Variants in HCN1 observed in about 807,000 individuals in gnomAD.
HCN1 encodes the protein hyperpolarization activated cyclic nucleotide gated potassium channel 1, also known as potassium/sodium hyperpolarization-activated cyclic nucleotide-gated channel 1.
In HCN1, 13 loss-of-function variants were observed where a neutral mutation model predicts 78.9. The ratio of observed to expected loss-of-function variants is 0.16; its 90% CI spans 0.11 to 0.26. HCN1 has a LOEUF of 0.26. Among genes scored for constraint, HCN1 ranks in the 10% least tolerant of loss-of-function variants. The pLI is 1.00. For missense variants in HCN1, 810 were observed against 1,154.3 expected, an observed-to-expected ratio of 0.70 and a Z score of 4.32; for synonymous variants, 552 against 455.5, an observed-to-expected ratio of 1.21 and a Z score of -2.70.
At chr5:45,591,628 A>G (rs1744367157) in intron 2 of HCN1, among the ~76,000 whole-genome samples, 1 of 152,174 alleles carries the variant, frequency 6.6e-6, no homozygotes, top group South Asian at 2.1e-4. Flanking sequence ...TAAAGCAAAG[A>G]CATTCTTATT....
chr5:45,639,873 A>G (rs908109023), intron 2 of HCN1, among the ~76,000 whole-genome samples: 1 of 152,112 alleles, frequency 6.6e-6, no homozygotes, highest in African/African-American at 2.4e-5. Context: ...CCTAAAATGT[A>G]TCAATGGCAC....
At chr5:45,401,019 T>C (rs1739788998) in intron 3 of HCN1, among the ~76,000 whole-genome samples, 1 of 152,224 alleles carries the variant, frequency 6.6e-6, no homozygotes, top group Non-Finnish European at 1.5e-5. Flanking sequence ...AATTCAGTCA[T>C]TTTTTCCATT....
intron 2 of HCN1, among the ~76,000 whole-genome samples, chr5:45,520,853 A>G (rs1018721885): frequency 5.9e-5 from 9 of 152,018 alleles, no homozygotes; most frequent in African/African-American, 2.2e-4. Flanking sequence ...ATAATATAAT[A>G]TAAGTGTTAT....
At chr5:45,603,291 A>G (rs927124227) in intron 2 of HCN1, among the ~76,000 whole-genome samples, 9 of 152,038 alleles carry the variant, frequency 5.9e-5, no homozygotes, top group Admixed American at 6.6e-5. Flanking sequence ...TAAGATATAT[A>G]TGGATCGTAG....
chr5:45,455,289 C>A (rs1741007394), intron 3 of HCN1, among the ~76,000 whole-genome samples: 1 of 152,042 alleles, frequency 6.6e-6, no homozygotes, highest in Non-Finnish European at 1.5e-5. Context: ...CATTTCAGAG[C>A]TCTCAATTCA....
At chr5:45,492,409 A>G (rs1741904518) in intron 2 of HCN1, among the ~76,000 whole-genome samples, 1 of 144,932 alleles carries the variant, frequency 6.9e-6, no homozygotes, top group South Asian at 2.1e-4. Context: ...ATATATATAT[A>G]TATATATATA....
At chr5:45,284,297 A>C (rs1215575712) in intron 6 of HCN1, among the ~76,000 whole-genome samples, 2 of 152,118 alleles carry the variant, frequency 1.3e-5, no homozygotes, top group Non-Finnish European at 2.9e-5. Context: ...AAAAGTTAAA[A>C]AAATTGGCGC....
chr5:45,367,885 T>G (rs934506723), intron 4 of HCN1, among the ~76,000 whole-genome samples: 1 of 151,882 alleles, frequency 6.6e-6, no homozygotes, highest in Non-Finnish European at 1.5e-5. Flanking sequence ...AGCCAGTGGT[T>G]TCAGATAAAA....
chr5:45,271,735 A>G (rs1014093681), intron 6 of HCN1, among the ~76,000 whole-genome samples: 7 of 152,162 alleles, frequency 4.6e-5, no homozygotes, highest in Non-Finnish European at 8.8e-5. Context: ...AACATGCTTA[A>G]TGAAATAAAT....
At chr5:45,511,472 G>C (rs1742414349) in intron 2 of HCN1, among the ~76,000 whole-genome samples, 1 of 151,920 alleles carries the variant, frequency 6.6e-6, no homozygotes, top group Non-Finnish European at 1.5e-5. Context: ...GATGATGAAG[G>C]TTAACTTCAA....
At chr5:45,377,166 G>A (rs757332196) in intron 4 of HCN1, among the ~76,000 whole-genome samples, 30 of 151,876 alleles carry the variant, frequency 2.0e-4, no homozygotes, top group African/African-American at 5.6e-4. Flanking sequence ...AATAATAAAC[G>A]TAAGCCTTGT....
At chr5:45,348,687 C>G (rs577545160) in intron 5 of HCN1, among the ~76,000 whole-genome samples, 2 of 151,812 alleles carry the variant, frequency 1.3e-5, no homozygotes, top group African/African-American at 4.8e-5. Context: ...ATCTACCAAG[C>G]AAATGGAAAA....
At chr5:45,639,396 A>G (rs1474273973) in intron 2 of HCN1, among the ~76,000 whole-genome samples, 1 of 152,188 alleles carries the variant, frequency 6.6e-6, no homozygotes, top group Non-Finnish European at 1.5e-5. Context: ...TATCAGTTTA[A>G]ATATTTCAGA....
chr5:45,570,831 C>A (rs1374561279), intron 2 of HCN1, among the ~76,000 whole-genome samples: 2 of 152,016 alleles, frequency 1.3e-5, no homozygotes, highest in African/African-American at 2.4e-5. Flanking sequence ...CACAAATATA[C>A]AAAGAAATTT....
In HCN1 at chr5:45,294,462, T is replaced by C. The variant is rs571429798; in HGVS notation, c.1618+9137A>G. On this transcript the variant is annotated intron_variant, in intron 6 of 7. Transcript: ENST00000303230. ...ATTATCATTCCATAAAAAGAACTTATGGGACAGACATTTTGAAAGAAAGAA... is the reference window on the plus strand; with the variant it reads ...ATTATCATTCCATAAAAAGAACTTACGGGACAGACATTTTGAAAGAAAGAA... Among the ~76,000 whole-genome samples, 6 of 152,016 alleles carry C rather than the reference T, an allele frequency of 3.9e-5. No homozygotes were observed. In the South Asian group the frequency reaches 8.3e-4, roughly 21 times the overall value.
At chr5:45,588,670 G>T (rs1253529576) in intron 2 of HCN1, among the ~76,000 whole-genome samples, 1 of 152,028 alleles carries the variant, frequency 6.6e-6, no homozygotes, top group Non-Finnish European at 1.5e-5. Flanking sequence ...TTCAAGTTAG[G>T]AGTCACCCCC....
chr5:45,430,672 T>A (rs550342173), intron 3 of HCN1, among the ~76,000 whole-genome samples: 19 of 152,168 alleles, frequency 1.2e-4, no homozygotes, highest in South Asian at 2.1e-4. Flanking sequence ...CCACATTTTT[T>A]AAAATTTACT....
intron 3 of HCN1, among the ~76,000 whole-genome samples, chr5:45,429,214 T>C (rs1740414302): frequency 1.3e-5 from 2 of 152,194 alleles, no homozygotes; most frequent in Admixed American, 1.3e-4. Flanking sequence ...AGCCACCTCT[T>C]CTAGTTATAC....
intron 3 of HCN1, among the ~76,000 whole-genome samples, chr5:45,420,003 C>A (rs182920543): frequency 5.3e-5 from 8 of 152,066 alleles, no homozygotes; most frequent in Non-Finnish European, 1.0e-4. Flanking sequence ...CATGGGAAAA[C>A]GGAAAGAAAA....
Sources: gnomAD v4.1 joint callset for allele counts (sites outside exome capture counted in the v4.1 genomes callset) on GRCh38, gnomAD v4.1.1 for gene constraint, MANE v1.5 for transcripts, NCBI Gene and HGNC (gene_info 2026-07-23, HGNC 2026-07-21) for gene names.